CXADR: variants seen among roughly 807,000 people sequenced by gnomAD.
The protein encoded by CXADR is CXADR cell adhesion molecule, also known as coxsackievirus and adenovirus receptor.
CXADR carries 20 observed loss-of-function variants against 40.3 expected under a neutral mutation model. The ratio of observed to expected loss-of-function variants is 0.50; its 90% CI spans 0.35 to 0.72. CXADR has a LOEUF of 0.72. Among genes scored for constraint, CXADR ranks in the 30% least tolerant of loss-of-function variants. The pLI, the probability that CXADR is intolerant of heterozygous loss-of-function variation, is 0.01. For missense variants in CXADR, 332 were observed against 449.1 expected (o/e 0.74, Z 2.36); for synonymous variants, 150 against 161.3 (o/e 0.93, Z 0.53).
the CXADR span, among the ~76,000 whole-genome samples, chr21:17,611,212 T>G: frequency 1.3e-5 from 2 of 152,166 alleles, no homozygotes; most frequent in African/African-American, 4.8e-5. Context: ...CAATTTAATA[T>G]ACGGGTTGGG....
Position 17,569,047 on chromosome 21 carries a change from C to T in CXADR, c.*3355C>T. 1 of 985,304 alleles carries T rather than the reference C, an allele frequency of 1.0e-6. No individual in the cohort carries two copies. Among genetic ancestry groups the T allele is most frequent in the Non-Finnish European group, 1.2e-6 (1 of 829,908 alleles). 61.0% of individuals were successfully genotyped at this position (985,304 alleles called of 1,614,324 possible). A position where few individuals can be genotyped will look rare whatever the true frequency, so the allele number is the denominator to read the frequency against. ...TGGAAATTTGGAACAAGTAAAGGGGCAAGTAAACCTTTTGATGAAATATAA... is the reference window on the plus strand; with the variant it reads ...TGGAAATTTGGAACAAGTAAAGGGGTAAGTAAACCTTTTGATGAAATATAA... On this transcript the variant is annotated 3_prime_UTR_variant, in exon 7 of 7. Coordinates refer to ENST00000284878, the MANE Select transcript of CXADR (RefSeq NM_001338.5).
At chr21:17,615,637 A>G in the CXADR span, among the ~76,000 whole-genome samples, 1 of 152,242 alleles carries the variant, frequency 6.6e-6, no homozygotes, top group Non-Finnish European at 1.5e-5. Context: ...AAATGAAACC[A>G]GGGATAAGAG....
intron 1 of CXADR, among the ~76,000 whole-genome samples, chr21:17,514,546 AAC>A (rs762846744): frequency 5.3e-5 from 7 of 132,270 alleles, no homozygotes; most frequent in Admixed American, 2.5e-4. Context: ...TGAAGTTGAG[AAC>A]ACAGTGTGTT....
Position 17,558,968 on chromosome 21 carries a change from T to C in CXADR, c.416-8T>C. The C allele has an allele frequency of 6.2e-7, 1 of 1,602,094 alleles. No individual in the cohort carries two copies. Among genetic ancestry groups the C allele is most frequent in the Non-Finnish European group, 8.5e-7 (1 of 1,175,024 alleles). ...TTATGTAAATTTATAATTTGTTTTC[T>C]CTTTCAGTTAAGCCTTCAGGTGCGA... is the stretch of plus-strand genomic sequence containing the variant. On this transcript the variant is annotated splice_region_variant and splice_polypyrimidine_tract_variant and intron_variant, in intron 3 of 6. Transcript: ENST00000284878.
At position 17,567,064 on chromosome 21, in the gene CXADR, C is replaced by G; in HGVS notation, c.*1372C>G. On this transcript the variant is annotated 3_prime_UTR_variant, in exon 7 of 7. Coordinates refer to ENST00000284878, the MANE Select transcript of CXADR (RefSeq NM_001338.5). Reference sequence around the variant, plus strand: ...AGAAGAAAGTGGGTTTATTGTATTTCCCTTAAGATTGTGAGGGAGTGTGGA... The same window carrying G: ...AGAAGAAAGTGGGTTTATTGTATTTGCCTTAAGATTGTGAGGGAGTGTGGA... 1.0e-6 allele frequency: 1 copy of G among 983,292 alleles called. No individual in the cohort carries two copies. Among genetic ancestry groups the G allele is most frequent in the Non-Finnish European group, 1.2e-6 (1 of 828,086 alleles). 60.9% of individuals were successfully genotyped at this position (983,292 alleles called of 1,614,324 possible).
chr21:17,604,176 G>A, the CXADR span: 5 of 1,264,492 alleles, frequency 4.0e-6, no homozygotes, highest in Non-Finnish European at 5.1e-6. Context: ...GGGCGCAGTG[G>A]CTCACGCCTG....
chr21:17,586,625 G>A (rs911586295), intron 7 of CXADR, among the ~76,000 whole-genome samples: 1 of 151,552 alleles, frequency 6.6e-6, no homozygotes, highest in Non-Finnish European at 1.5e-5. Flanking sequence ...CATAACTTAC[G>A]TGATTTCTTT....
chr21:17,630,650 CTTTTTTT>C, the CXADR span, among the ~76,000 whole-genome samples: 1 of 116,998 alleles, frequency 8.5e-6, no homozygotes, highest in African/African-American at 3.3e-5. Flanking sequence ...CTTCCTTCTT[CTTTTTTT>C]TTTTTTTTTT....
chr21:17,585,805 AC>A (rs986620415), intron 7 of CXADR, among the ~76,000 whole-genome samples: 32 of 152,358 alleles, frequency 2.1e-4, no homozygotes, highest in Admixed American at 1.1e-3. Flanking sequence ...GGCATGAGCC[AC>A]CGCGCCCGGT....
At chr21:17,530,132 T>TTTTTTTTTTTTTTTTTTTA (rs1555863321) in intron 1 of CXADR, among the ~76,000 whole-genome samples, 1 of 143,502 alleles carries the variant, frequency 7.0e-6, no homozygotes, top group Non-Finnish European at 1.5e-5. Flanking sequence ...TTTTTTTTTT[T>TTTTTTTTTTTTTTTTTTTA]GTATTTTTTA....
In CXADR at chr21:17,521,983, G is replaced by A. The variant is rs375199742; in HGVS notation, c.43+8811G>A. On this transcript the variant is annotated intron_variant, in intron 1 of 6. Coordinates refer to ENST00000284878, the MANE Select transcript of CXADR (RefSeq NM_001338.5). ...TATTTATCCCTCTTTATATTCCTTC[G>A]GTACTGTTGTCGCTTTGCCTTTATT... Among the ~76,000 whole-genome samples the A allele has an allele frequency of 1.3e-4, 19 of 151,926 alleles. No homozygotes were observed. The South Asian group carries it at 1.7e-3, about 13-fold the overall frequency.
intron 6 of CXADR, among the ~76,000 whole-genome samples, chr21:17,563,438 T>TG (rs370656185): frequency 5.4e-5 from 8 of 149,108 alleles, no homozygotes; most frequent in Non-Finnish European, 8.9e-5. Context: ...GGGAGGATGT[T>TG]GGGGGGGATG....
At chr21:17,593,260 T>G in exon 8 of CXADR, 1 of 1,288,856 alleles carries the variant, frequency 7.8e-7, no homozygotes, top group South Asian at 2.5e-5. Flanking sequence ...TAGTAAAGAC[T>G]TAAATGTTTT....
At chr21:17,533,086 A>G (rs371354659) in intron 1 of CXADR, among the ~76,000 whole-genome samples, 52 of 152,326 alleles carry the variant, frequency 3.4e-4, no homozygotes, top group East Asian at 2.3e-3. Flanking sequence ...TGATTGATCA[A>G]TGGGCTAGAA....
chr21:17,523,023 A>G (rs544423782), intron 1 of CXADR, among the ~76,000 whole-genome samples: 1 of 152,204 alleles, frequency 6.6e-6, no homozygotes, highest in African/African-American at 2.4e-5. Flanking sequence ...TTTCGAAGTC[A>G]TTGTGTCCCT....
At chr21:17,604,464 G>A in the CXADR span, among the ~76,000 whole-genome samples, 4 of 152,206 alleles carry the variant, frequency 2.6e-5, no homozygotes, top group Admixed American at 2.6e-4. Context: ...AGAGGAGAGA[G>A]GGAGAATAAA....
intron 6 of CXADR, among the ~76,000 whole-genome samples, chr21:17,563,018 G>A (rs867164646): frequency 2.0e-5 from 3 of 152,116 alleles, no homozygotes; most frequent in African/African-American, 7.2e-5. Context: ...CTTTCTTATC[G>A]TTCACGTGTT....
At chr21:17,615,558 T>A in the CXADR span, among the ~76,000 whole-genome samples, 4 of 152,348 alleles carry the variant, frequency 2.6e-5, no homozygotes, top group Admixed American at 6.5e-5. Flanking sequence ...ATAAAAGTTA[T>A]GTGAATGTAT....
chr21:17,620,720 T>TA, the CXADR span, among the ~76,000 whole-genome samples: 48 of 147,664 alleles, frequency 3.3e-4, no homozygotes, highest in African/African-American at 6.9e-4. Flanking sequence ...AGAAATAACG[T>TA]AAAAAAAAAA....
Sources: allele counts gnomAD v4.1 joint callset (sites outside exome capture counted in the v4.1 genomes callset), GRCh38; gene constraint gnomAD v4.1.1; transcripts MANE v1.5; gene names NCBI Gene and HGNC (gene_info 2026-07-23, HGNC 2026-07-21).